TIPIN: variants seen among roughly 807,000 people sequenced by gnomAD.
TIPIN encodes TIMELESS interacting protein.
TIPIN carries 29 observed loss-of-function variants against 35.6 expected under a neutral mutation model. The observed-to-expected ratio is 0.82, with a 90% confidence interval of 0.61 to 1.11. TIPIN has a LOEUF of 1.11. Among genes scored for constraint, TIPIN ranks in the 50% most tolerant of loss-of-function variants. The pLI is 0.00. For missense variants in TIPIN, 296 were observed against 345.4 expected, an observed-to-expected ratio of 0.86 and a Z score of 1.13; for synonymous variants, 102 against 121.5, an observed-to-expected ratio of 0.84 and a Z score of 1.06.
At position 66,336,279 on chromosome 15, in the gene TIPIN, C is replaced by T. The variant is rs62625677; in HGVS notation, c.*679G>A. On this transcript the variant is annotated 3_prime_UTR_variant, in exon 8 of 8. Transcript: ENST00000261881. ...ATCTCAAAACTTCACCCAGGCTGGG[C>T]GCGGTGGCTCACACCTGTAATCCCA... 2,112 of 152,374 alleles carry T rather than the reference C, an allele frequency of 0.014. 27 individuals are homozygous for T. Among genetic ancestry groups the T allele is most frequent in the South Asian group, 0.041 (198 of 4,824 alleles). The allele number at this position is 152,374 out of a possible 1,614,324, so 9.4% of individuals were successfully genotyped here.
intron 6 of TIPIN, among the ~76,000 whole-genome samples, chr15:66,342,074 C>T (rs2093091269): frequency 6.6e-6 from 1 of 151,616 alleles, no homozygotes; most frequent in Non-Finnish European, 1.5e-5. Context: ...ATCCCAGCTA[C>T]TCAGGAGGCT....
chr15:66,366,766 C>G, intron 1 of TIPIN: 2 of 686,798 alleles, frequency 2.9e-6, no homozygotes, highest in Non-Finnish European at 3.3e-6. Flanking sequence ...GACTCCATCT[C>G]AAAAAAAAAA....
chr15:66,349,806 G>A (rs1412112557), intron 4 of TIPIN, among the ~76,000 whole-genome samples: 2 of 152,024 alleles, frequency 1.3e-5, no homozygotes, highest in Non-Finnish European at 2.9e-5. Flanking sequence ...CCTGAGCCTG[G>A]GGGGCAGAGG....
chr15:66,379,775 A>G (rs981419869), intron 1 of TIPIN: 1 of 1,603,518 alleles, frequency 6.2e-7, no homozygotes, highest in African/African-American at 1.3e-5. Flanking sequence ...TCTTTCCAAG[A>G]AGACTGAGTT....
chr15:66,377,441 T>A (rs1234648163), intron 1 of TIPIN, among the ~76,000 whole-genome samples: 1 of 152,126 alleles, frequency 6.6e-6, no homozygotes, highest in African/African-American at 2.4e-5. Flanking sequence ...CTTGGCTCAC[T>A]GCAACCTCCG....
intron 1 of TIPIN, among the ~76,000 whole-genome samples, chr15:66,386,157 C>G (rs1431334354): frequency 2.6e-5 from 4 of 152,120 alleles, no homozygotes; most frequent in African/African-American, 9.7e-5. Flanking sequence ...CCGGGCATGA[C>G]GGCGAGTGCC....
At chr15:66,357,969 G>T (rs76867925), upstream of TIPIN, among the ~76,000 whole-genome samples, 1 of 151,508 alleles carries the variant, frequency 6.6e-6, no homozygotes, top group African/African-American at 2.4e-5. Context: ...AAAAAAAAAA[G>T]TTATTTGGTC....
intron 7 of TIPIN, among the ~76,000 whole-genome samples, chr15:66,340,722 A>G (rs1166992893): frequency 1.3e-5 from 2 of 151,734 alleles, no homozygotes; most frequent in African/African-American, 2.4e-5. Context: ...TCAGCCTCCC[A>G]AGTAGTTGGG....
At chr15:66,379,622 G>A in intron 1 of TIPIN, 12 of 1,609,346 alleles carry the variant, frequency 7.5e-6, no homozygotes, top group Non-Finnish European at 9.4e-6. Flanking sequence ...TGATGGGGAA[G>A]TAAGCATACA....
chr15:66,363,634 C>G (rs1039741014), intron 1 of TIPIN, among the ~76,000 whole-genome samples: 3 of 143,756 alleles, frequency 2.1e-5, no homozygotes, highest in Non-Finnish European at 3.0e-5. Context: ...AGAGCGAGAT[C>G]TGGTCATTTA....
At chr15:66,352,519 G>T (rs537114612) in intron 2 of TIPIN, among the ~76,000 whole-genome samples, 1 of 151,938 alleles carries the variant, frequency 6.6e-6, no homozygotes, top group South Asian at 2.1e-4. Flanking sequence ...TGAACTCCTG[G>T]GCTCAAGCCA....
intron 1 of TIPIN, among the ~76,000 whole-genome samples, chr15:66,363,755 G>A (rs887691169): frequency 6.6e-6 from 1 of 151,442 alleles, no homozygotes; most frequent in African/African-American, 2.4e-5. Flanking sequence ...GGCCAAGGTG[G>A]GTGGATCACG....
In TIPIN at chr15:66,350,560, G is replaced by A. The variant is rs927244041; in HGVS notation, c.288+965C>T. Among the ~76,000 whole-genome samples the A allele has an allele frequency of 6.0e-5, 9 of 151,086 alleles. No homozygotes were observed. The South Asian group carries it at 1.7e-3, about 28-fold the overall frequency. ...GCGGAGGTTGCAGTGAGCCAAGGTC[G>A]AGCCATTGCACTCCAGCCTGGGTGA... On this transcript the variant is annotated intron_variant, in intron 4 of 7. Coordinates refer to ENST00000261881, the MANE Select transcript of TIPIN (RefSeq NM_017858.3).
intron 1 of TIPIN, among the ~76,000 whole-genome samples, chr15:66,354,712 C>T (rs2093191897): frequency 6.6e-6 from 1 of 152,204 alleles, no homozygotes; most frequent in African/African-American, 2.4e-5. Flanking sequence ...TCCCTCAGGC[C>T]ACTGGCTCTT....
chr15:66,378,427 G>A (rs912970765), intron 1 of TIPIN, among the ~76,000 whole-genome samples: 2 of 152,048 alleles, frequency 1.3e-5, no homozygotes, highest in Non-Finnish European at 2.9e-5. Flanking sequence ...GAGCCACCGC[G>A]CCCAGCCGAT....
chr15:66,365,242 G>A (rs1360713180), intron 1 of TIPIN, among the ~76,000 whole-genome samples: 6 of 152,058 alleles, frequency 3.9e-5, no homozygotes, highest in Non-Finnish European at 7.4e-5. Context: ...AGATGGTGGC[G>A]AAAGTGACCT....
intron 2 of TIPIN, 57 bp downstream of exon 2, chr15:66,352,758 G>A: frequency 6.6e-7 from 1 of 1,523,264 alleles, no homozygotes; most frequent in Non-Finnish European, 8.8e-7. Context: ...TGGAATTACA[G>A]GCATGAGCCA....
At chr15:66,375,966 C>T (rs1460817480) in intron 1 of TIPIN, among the ~76,000 whole-genome samples, 3 of 151,464 alleles carry the variant, frequency 2.0e-5, no homozygotes, top group African/African-American at 7.3e-5. Flanking sequence ...CCAGTCACGG[C>T]GGCGCACGCC....
At chr15:66,377,670 T>TG (rs59838911) in intron 1 of TIPIN, among the ~76,000 whole-genome samples, 1 of 151,236 alleles carries the variant, frequency 6.6e-6, no homozygotes, top group Non-Finnish European at 1.5e-5. Context: ...GGTTTTTTTT[T>TG]GTTTGTTTTG....
Sources: gnomAD v4.1 joint callset for allele counts (sites outside exome capture counted in the v4.1 genomes callset) on GRCh38, gnomAD v4.1.1 for gene constraint, MANE v1.5 for transcripts, NCBI Gene and HGNC (gene_info 2026-07-23, HGNC 2026-07-21) for gene names.